LRP1B: variants seen among roughly 807,000 people sequenced by gnomAD.
The protein encoded by LRP1B is LDL receptor related protein 1B.
In LRP1B, 217 loss-of-function variants were observed where a neutral mutation model predicts 556.6. The observed-to-expected ratio is 0.39, with a 90% confidence interval of 0.35 to 0.44. The LOEUF (loss-of-function observed/expected upper bound fraction) is 0.44, where lower values mean the gene tolerates loss of function less well. Ranked by LOEUF, LRP1B falls within the 20% of genes least tolerant of loss-of-function variation. The pLI is 1.00. For missense variants in LRP1B, 5,053 were observed against 5,620.8 expected (o/e 0.90, Z 3.23); for synonymous variants, 2,047 against 1,865.8 (o/e 1.10, Z -2.50).
chr2:141,768,859 T>A (rs191447195), intron 2 of LRP1B, among the ~76,000 whole-genome samples: 53 of 143,916 alleles, frequency 3.7e-4, no homozygotes, highest in African/African-American at 1.3e-3. Flanking sequence ...ATCACTGTAT[T>A]AAGAGATACA....
intron 3 of LRP1B, among the ~76,000 whole-genome samples, chr2:141,294,180 T>C (rs1686089865): frequency 6.6e-6 from 1 of 152,132 alleles, no homozygotes; most frequent in South Asian, 2.1e-4. Flanking sequence ...TTCATATGTT[T>C]CTAATGTGAT....
chr2:141,421,442 T>C (rs1042158996), intron 3 of LRP1B, among the ~76,000 whole-genome samples: 1 of 145,938 alleles, frequency 6.9e-6, no homozygotes, highest in Non-Finnish European at 1.5e-5. Flanking sequence ...GGCAGGAGAA[T>C]GGCGTGAACC....
At chr2:140,617,260 G>A (rs7559042) in intron 41 of LRP1B, among the ~76,000 whole-genome samples, 24,661 of 151,862 alleles carry the variant, frequency 0.16, 2,345 homozygotes, top group African/African-American at 0.26. Flanking sequence ...CAGAATGTAA[G>A]CATCTTAAGA....
chr2:140,470,514 G>A (rs1687718146), intron 60 of LRP1B, among the ~76,000 whole-genome samples: 1 of 151,698 alleles, frequency 6.6e-6, no homozygotes, highest in Non-Finnish European at 1.5e-5. Flanking sequence ...GTGTGGTGGA[G>A]GGCGCCTGTA....
chr2:140,670,272 A>C (rs16844461), intron 41 of LRP1B, among the ~76,000 whole-genome samples: 16,610 of 152,174 alleles, frequency 0.11, 1,111 homozygotes, highest in East Asian at 0.33. Flanking sequence ...GTTACATTAA[A>C]ATAATTTTTG....
intron 20 of LRP1B, among the ~76,000 whole-genome samples, chr2:140,933,253 G>A (rs1695107108): frequency 6.6e-6 from 1 of 152,068 alleles, no homozygotes; most frequent in South Asian, 2.1e-4. Context: ...AACAAATGCT[G>A]ACAGGTCAAA....
chr2:141,289,640 C>T (rs1685865708), intron 3 of LRP1B, among the ~76,000 whole-genome samples: 1 of 152,100 alleles, frequency 6.6e-6, no homozygotes. Flanking sequence ...GAAAAATAGA[C>T]AACCTTAGAA....
intron 1 of LRP1B, among the ~76,000 whole-genome samples, chr2:141,833,016 G>A (rs1697160285): frequency 1.3e-5 from 2 of 151,304 alleles, no homozygotes; most frequent in African/African-American, 2.4e-5. Context: ...TTATATACAG[G>A]CAGCAATTTT....
intron 5 of LRP1B, among the ~76,000 whole-genome samples, chr2:141,237,230 T>C (rs1683678005): frequency 6.6e-6 from 1 of 152,108 alleles, no homozygotes; most frequent in Admixed American, 6.6e-5. Flanking sequence ...AGGGTATCAT[T>C]AAAAGAAACA....
At chr2:141,399,164 G>A (rs544671379) in intron 3 of LRP1B, among the ~76,000 whole-genome samples, 49 of 152,170 alleles carry the variant, frequency 3.2e-4, no homozygotes, top group Non-Finnish European at 6.2e-4. Context: ...GCTAAGGCTC[G>A]AGAATCCCTT....
At chr2:141,076,480 G>A (rs1385230461) in intron 7 of LRP1B, among the ~76,000 whole-genome samples, 2 of 152,182 alleles carry the variant, frequency 1.3e-5, no homozygotes, top group African/African-American at 4.8e-5. Context: ...AGGGGAGCTT[G>A]CTGACATCTC....
Position 140,358,002 on chromosome 2 carries a change from G to A in LRP1B, c.11372C>T (p.Ser3791Leu), listed in dbSNP as rs2105134801. 6.2e-7 allele frequency: 1 copy of A among 1,610,848 alleles called. No homozygotes were observed. Among genetic ancestry groups the A allele is most frequent in the Non-Finnish European group, 8.5e-7 (1 of 1,177,928 alleles). Residue 3791 changes from serine (S) to leucine (L), a missense_variant, in exon 74 of 91, where the codon TCA (serine) becomes TTA (leucine). This residue lies in a region of LRP1B where 599 missense variants were observed against 648.4 expected (regional missense o/e 0.92). Coordinates refer to ENST00000389484, the MANE Select transcript of LRP1B (RefSeq NM_018557.3). ...CDRLDDCGDG[S>L]DEQGCRIAPT... Reference sequence around the variant, plus strand: ...ACCTATTCTGCATCCTTGCTCATCTGAACCATCTCCGCAGTCATCAAGTCG... The same window carrying A: ...ACCTATTCTGCATCCTTGCTCATCTAAACCATCTCCGCAGTCATCAAGTCG...
At chr2:141,150,795 AT>A (rs2105081902) in intron 7 of LRP1B, among the ~76,000 whole-genome samples, 1 of 151,628 alleles carries the variant, frequency 6.6e-6, no homozygotes, top group African/African-American at 2.4e-5. Context: ...AGTGAAATAC[AT>A]TTATTTCTGG....
At chr2:140,899,870 T>G (rs1694053604) in intron 23 of LRP1B, among the ~76,000 whole-genome samples, 1 of 152,200 alleles carries the variant, frequency 6.6e-6, no homozygotes, top group Admixed American at 6.5e-5. Flanking sequence ...TCTTGAAGAT[T>G]TGTTAGAAAT....
chr2:141,478,386 A>G (rs1187176602), intron 3 of LRP1B, among the ~76,000 whole-genome samples: 2 of 152,240 alleles, frequency 1.3e-5, no homozygotes, highest in African/African-American at 4.8e-5. Flanking sequence ...TTCAAAAACA[A>G]TATAACAAAA....
chr2:141,925,539 A>T (rs1029712413), intron 1 of LRP1B, among the ~76,000 whole-genome samples: 1 of 152,206 alleles, frequency 6.6e-6, no homozygotes, highest in Non-Finnish European at 1.5e-5. Flanking sequence ...GAAGATTGTT[A>T]CAATTTGCAT....
chr2:140,470,980 T>C (rs1331556864), intron 60 of LRP1B, among the ~76,000 whole-genome samples: 8 of 152,180 alleles, frequency 5.3e-5, no homozygotes, highest in Admixed American at 3.3e-4. Flanking sequence ...TTACTTCTTA[T>C]CTAAAATCAA....
At chr2:140,728,230 T>C (rs1334693805) in intron 35 of LRP1B, among the ~76,000 whole-genome samples, 1 of 152,172 alleles carries the variant, frequency 6.6e-6, no homozygotes, top group Non-Finnish European at 1.5e-5. Flanking sequence ...CACATTTTCT[T>C]AAGCAATAAC....
chr2:141,705,278 AT>A (rs1049907755), intron 2 of LRP1B, among the ~76,000 whole-genome samples: 1 of 151,902 alleles, frequency 6.6e-6, no homozygotes, highest in Non-Finnish European at 1.5e-5. Flanking sequence ...AAGTAACCTT[AT>A]TTTTTTGAAC....
Sources: allele counts gnomAD v4.1 joint callset (sites outside exome capture counted in the v4.1 genomes callset), GRCh38; gene constraint gnomAD v4.1.1; regional missense constraint gnomAD v4.1.1; transcripts MANE v1.5; gene names NCBI Gene and HGNC (gene_info 2026-07-23, HGNC 2026-07-21).